RBFOX1: variants seen among roughly 807,000 people sequenced by gnomAD.
RBFOX1 encodes RNA binding protein fox-1 homolog 1.
RBFOX1 carries 8 observed loss-of-function variants against 57.7 expected under a neutral mutation model. That is an observed-to-expected ratio of 0.14 (90% confidence interval 0.08 to 0.25). The LOEUF is 0.25. Among genes scored for constraint, RBFOX1 ranks in the 10% least tolerant of loss-of-function variants. The probability of loss-of-function intolerance (pLI) is 1.00; values close to 1 mark genes in which losing one functional copy is unlikely to be tolerated. For synonymous variants in RBFOX1, 326 were observed against 222.4 expected (o/e 1.47, Z -4.15); for missense variants, 611 against 548.5 (o/e 1.11, Z -1.14).
chr16:7,309,055 T>A (rs955718563), intron 4 of RBFOX1, among the ~76,000 whole-genome samples: 1 of 152,192 alleles, frequency 6.6e-6, no homozygotes, highest in African/African-American at 2.4e-5. Context: ...ATTAGCTTCA[T>A]GTCTGAATTG....
chr16:5,257,029 G>T (rs929204895), intron 1 of RBFOX1, among the ~76,000 whole-genome samples: 1 of 152,120 alleles, frequency 6.6e-6, no homozygotes, highest in African/African-American at 2.4e-5. Flanking sequence ...TTACACACAG[G>T]GAAATCTAAG....
At chr16:6,516,032 C>T (rs755461933) in intron 2 of RBFOX1, among the ~76,000 whole-genome samples, 10 of 152,030 alleles carry the variant, frequency 6.6e-5, no homozygotes, top group Non-Finnish European at 1.5e-4. Flanking sequence ...GAGACAGAGT[C>T]TTGCTCTGTA....
intron 4 of RBFOX1, among the ~76,000 whole-genome samples, chr16:5,911,766 G>A (rs2058607530): frequency 6.6e-6 from 1 of 152,096 alleles, no homozygotes; most frequent in African/African-American, 2.4e-5. Context: ...TGGTGCCTTT[G>A]CACCATGTCT....
At chr16:6,220,809 C>G (rs950922283) in intron 1 of RBFOX1, among the ~76,000 whole-genome samples, 4 of 152,208 alleles carry the variant, frequency 2.6e-5, no homozygotes, top group Non-Finnish European at 5.9e-5. Flanking sequence ...TTCTTCCACC[C>G]TCAGATGTAT....
chr16:6,214,746 G>GGAGAAGGGGAGA, intron 1 of RBFOX1, among the ~76,000 whole-genome samples: 1 of 113,224 alleles, frequency 8.8e-6, no homozygotes, highest in Non-Finnish European at 1.8e-5. Context: ...AGAGGGAGAA[G>GGAGAAGGGGAGA]GAGAAGGGGA....
chr16:5,781,605 G>C (rs571322185), intron 3 of RBFOX1, among the ~76,000 whole-genome samples: 1 of 152,338 alleles, frequency 6.6e-6, no homozygotes, highest in East Asian at 1.9e-4. Flanking sequence ...ACCATCAACT[G>C]TCTTATAGTG....
intron 3 of RBFOX1, among the ~76,000 whole-genome samples, chr16:6,890,418 C>G (rs1032839897): frequency 1.3e-5 from 2 of 152,188 alleles, no homozygotes; most frequent in Admixed American, 1.3e-4. Context: ...ACTTGGAAGG[C>G]TGAGGCTGGA....
chr16:7,385,587 A>G (rs921029329), intron 4 of RBFOX1, among the ~76,000 whole-genome samples: 2 of 152,150 alleles, frequency 1.3e-5, no homozygotes, highest in South Asian at 2.1e-4. Context: ...ATTTGCCAAG[A>G]TGGAAGATAG....
chr16:5,725,741 C>T (rs570459572), intron 3 of RBFOX1, among the ~76,000 whole-genome samples: 1 of 151,964 alleles, frequency 6.6e-6, no homozygotes, highest in African/African-American at 2.4e-5. Context: ...GCTGCCATTC[C>T]TGCCTCCACG....
At chr16:6,167,376 C>T (rs1416893015) in intron 1 of RBFOX1, among the ~76,000 whole-genome samples, 1 of 152,228 alleles carries the variant, frequency 6.6e-6, no homozygotes, top group Non-Finnish European at 1.5e-5. Flanking sequence ...CGATTTTAAG[C>T]TGAGAGCACT....
intron 3 of RBFOX1, among the ~76,000 whole-genome samples, chr16:6,756,273 G>A (rs980870661): frequency 6.6e-6 from 1 of 152,132 alleles, no homozygotes; most frequent in Non-Finnish European, 1.5e-5. Context: ...ATATCCGTAT[G>A]TAGAAGAGTG....
intron 4 of RBFOX1, among the ~76,000 whole-genome samples, chr16:7,470,461 G>GTGGA (rs111579800): frequency 0.032 from 4,896 of 152,066 alleles, 249 homozygotes; most frequent in African/African-American, 0.11. Context: ...GGGTGGATGA[G>GTGGA]TGGATGGATG....
chr16:7,079,421 G>C (rs555868839), intron 4 of RBFOX1, among the ~76,000 whole-genome samples: 2 of 152,306 alleles, frequency 1.3e-5, no homozygotes, highest in African/African-American at 4.8e-5. Context: ...TTCTGCCTGA[G>C]CAGAACCACA....
At chr16:6,548,340 A>G (rs1278187606) in intron 2 of RBFOX1, among the ~76,000 whole-genome samples, 5 of 152,228 alleles carry the variant, frequency 3.3e-5, no homozygotes, top group Admixed American at 2.0e-4. Context: ...AAGAATAGAA[A>G]TGAGAATTCC....
chr16:6,195,775 C>G (rs561309137), intron 1 of RBFOX1, among the ~76,000 whole-genome samples: 5 of 151,676 alleles, frequency 3.3e-5, no homozygotes, highest in Admixed American at 6.6e-5. Flanking sequence ...TCTCTGAGGT[C>G]ATGGGGTGAG....
At chr16:6,869,641 C>T (rs143377091) in intron 3 of RBFOX1, among the ~76,000 whole-genome samples, 34 of 152,146 alleles carry the variant, frequency 2.2e-4, no homozygotes, top group Admixed American at 6.5e-4. Context: ...TCAACTCTGA[C>T]GTGTTAGAAC....
At chr16:7,488,790 A>G (rs1396099689) in intron 4 of RBFOX1, among the ~76,000 whole-genome samples, 1 of 152,198 alleles carries the variant, frequency 6.6e-6, no homozygotes, top group Non-Finnish European at 1.5e-5. Context: ...CTATCTATAC[A>G]TATCCATACA....
chr16:5,991,871 C>G lies in RBFOX1; in HGVS notation c.351+124536C>G, dbSNP rs150014605. 4.5e-4 allele frequency among the ~76,000 whole-genome samples: 69 copies of G among 152,200 alleles called. 1 individual carries two copies. The highest frequency in any genetic ancestry group is 1.4e-3 in the African/African-American group (59 of 41,530). ...AATTAGATATGGTGTATCTGATGCT[C>G]TAGCACCTGAGCAATGGAAGGCATT... On this transcript the variant is annotated intron_variant, in intron 4 of 19. Transcript: ENST00000641259.
In RBFOX1 at chr16:6,844,376, C is replaced by A. The variant is rs571278955; in HGVS notation, c.-16+189726C>A. 8.5e-4 allele frequency among the ~76,000 whole-genome samples: 129 copies of A among 152,156 alleles called. 2 individuals carry two copies. In the South Asian group the frequency reaches 0.012, roughly 14 times the overall value. ...CCTTCCCCTCAGCAGATCCCCACGC[C>A]CATTGTTCTCTCCCATGTGCCCATG... On this transcript the variant is annotated intron_variant, in intron 3 of 15. Transcript: ENST00000550418.
Sources: gnomAD v4.1 joint callset for allele counts (sites outside exome capture counted in the v4.1 genomes callset) on GRCh38, gnomAD v4.1.1 for gene constraint, MANE v1.5 for transcripts, NCBI Gene and HGNC (gene_info 2026-07-23, HGNC 2026-07-21) for gene names.